ROBO2: variants seen among roughly 807,000 people sequenced by gnomAD.
ROBO2 encodes the protein roundabout guidance receptor 2, also known as roundabout homolog 2.
Under a neutral mutation model 160.8 loss-of-function variants are expected in ROBO2, and 53 were observed. That is an observed-to-expected ratio of 0.33 (90% CI 0.26 to 0.41). ROBO2 has a LOEUF of 0.41. ROBO2 is among the 10% of genes least tolerant of loss of function. The pLI is 1.00. For synonymous variants in ROBO2, 664 were observed against 611.7 expected (o/e 1.09, Z -1.26); for missense variants, 1,577 against 1,722.4 (o/e 0.92, Z 1.49).
intron 2 of ROBO2, among the ~76,000 whole-genome samples, chr3:76,639,462 T>TCA (rs1232140076): frequency 3.3e-5 from 4 of 120,018 alleles, no homozygotes; most frequent in African/African-American, 1.5e-4. Flanking sequence ...ACCTACACTC[T>TCA]CTCACACACA....
In ROBO2 at chr3:76,296,209, C is replaced by T. The variant is rs140273366; in HGVS notation, c.109+358607C>T. ...GCCACAAGCCAAGGAAGCCAAGCAA[C>T]GCCAACAACCACTGGAAGTAGAAAG... On this transcript the variant is annotated intron_variant, in intron 2 of 26. Coordinates refer to the ROBO2 transcript ENST00000487694. Among the ~76,000 whole-genome samples the T allele has an allele frequency of 5.5e-3, 844 of 152,146 alleles. 11 individuals are homozygous for T. The highest frequency in any genetic ancestry group is 0.02 in the African/African-American group (811 of 41,554).
chr3:76,689,581 C>T (rs1016740796), intron 2 of ROBO2, among the ~76,000 whole-genome samples: 19 of 152,092 alleles, frequency 1.2e-4, no homozygotes, highest in Admixed American at 3.9e-4. Flanking sequence ...TTTTCCACCT[C>T]TCCCATCCCC....
intron 2 of ROBO2, among the ~76,000 whole-genome samples, chr3:77,032,622 GA>G (rs1403237685): frequency 1.3e-5 from 2 of 152,070 alleles, no homozygotes; most frequent in African/African-American, 4.8e-5. Context: ...CTAAAACAAA[GA>G]ATACCAAACT....
chr3:77,180,404 C>A (rs1218803392), intron 2 of ROBO2, among the ~76,000 whole-genome samples: 27 of 105,388 alleles, frequency 2.6e-4, no homozygotes, highest in Non-Finnish European at 4.7e-4. Flanking sequence ...CTCTCTCTCT[C>A]TCTCTCTCTC....
chr3:75,955,349 CT>C (rs1481303600), intron 2 of ROBO2, among the ~76,000 whole-genome samples: 1 of 151,674 alleles, frequency 6.6e-6, no homozygotes, highest in Non-Finnish European at 1.5e-5. Flanking sequence ...ATATAAATTT[CT>C]TTGCAAGAAA....
At chr3:76,875,400 C>A (rs115355628) in intron 2 of ROBO2, among the ~76,000 whole-genome samples, 16,731 of 152,204 alleles carry the variant, frequency 0.11, 1,278 homozygotes, top group Admixed American at 0.22. Flanking sequence ...CCTATGGCTG[C>A]TATAACAAAT....
intron 2 of ROBO2, among the ~76,000 whole-genome samples, chr3:76,700,901 T>G (rs1170067013): frequency 6.6e-6 from 1 of 152,166 alleles, no homozygotes; most frequent in Non-Finnish European, 1.5e-5. Flanking sequence ...TGTATACTCA[T>G]TAAATACCAC....
exon 11 of ROBO2, chr3:77,563,190 A>C: frequency 6.2e-7 from 1 of 1,613,370 alleles, no homozygotes; most frequent in Non-Finnish European, 8.5e-7. Context: ...AATCAGTAAA[A>C]ACTATGATTT....
chr3:77,535,824 C>A (rs2153638328), intron 6 of ROBO2, among the ~76,000 whole-genome samples: 1 of 152,198 alleles, frequency 6.6e-6, no homozygotes. Flanking sequence ...TTTAAAAGTT[C>A]TGTGAAACTT....
At chr3:76,693,195 A>C (rs1361471955) in intron 2 of ROBO2, among the ~76,000 whole-genome samples, 3 of 149,566 alleles carry the variant, frequency 2.0e-5, no homozygotes, top group African/African-American at 7.3e-5. Flanking sequence ...TATAGTGTAT[A>C]TATATAGTGT....
chr3:77,430,081 G>C (rs1053125372), intron 2 of ROBO2, among the ~76,000 whole-genome samples: 1 of 152,118 alleles, frequency 6.6e-6, no homozygotes, highest in Non-Finnish European at 1.5e-5. Flanking sequence ...CCCAAGCCTG[G>C]AGTGATTACC....
chr3:76,481,016 A>AT, intron 2 of ROBO2, among the ~76,000 whole-genome samples: 1 of 152,310 alleles, frequency 6.6e-6, no homozygotes, highest in East Asian at 1.9e-4. Flanking sequence ...CAGCCAATTC[A>AT]TTTTGTTCAG....
intron 2 of ROBO2, among the ~76,000 whole-genome samples, chr3:76,481,996 G>A (rs2079234242): frequency 6.6e-6 from 1 of 152,066 alleles, no homozygotes; most frequent in African/African-American, 2.4e-5. Context: ...ACAGCATCAG[G>A]TCCTTGCATT....
intron 2 of ROBO2, among the ~76,000 whole-genome samples, chr3:76,776,800 A>G (rs969001730): frequency 1.3e-5 from 2 of 150,986 alleles, no homozygotes; most frequent in African/African-American, 4.8e-5. Flanking sequence ...AACATTTCCA[A>G]TCACCCTAGT....
intron 2 of ROBO2, among the ~76,000 whole-genome samples, chr3:77,006,910 C>T (rs577442892): frequency 2.4e-4 from 36 of 152,172 alleles, no homozygotes; most frequent in African/African-American, 8.4e-4. Context: ...ATATACCTCT[C>T]TTAGGATGAA....
In ROBO2 at chr3:76,536,471, G is replaced by A. The variant is rs572676768; in HGVS notation, c.110-561543G>A. ...AGCCACCAAGTGGGCCATGAACTGG[G>A]CTGGGTTTTCGTCTTTACCTTGGGT... On this transcript the variant is annotated intron_variant, in intron 2 of 26. Coordinates refer to the ROBO2 transcript ENST00000487694. Among the ~76,000 whole-genome samples the A allele has an allele frequency of 1.1e-4, 17 of 152,264 alleles. No homozygotes were observed. The East Asian group carries it at 2.3e-3, about 21-fold the overall frequency.
chr3:77,591,682 G>T (rs1200532149), intron 17 of ROBO2, among the ~76,000 whole-genome samples: 1 of 152,150 alleles, frequency 6.6e-6, no homozygotes. Context: ...GATGCTAACA[G>T]AGACTTTTGA....
intron 2 of ROBO2, among the ~76,000 whole-genome samples, chr3:77,006,536 A>C (rs2061590460): frequency 6.6e-6 from 1 of 152,086 alleles, no homozygotes; most frequent in African/African-American, 2.4e-5. Flanking sequence ...TGAATGGGAA[A>C]AAAAGAAACA....
chr3:76,750,307 A>G (rs910623427), intron 2 of ROBO2, among the ~76,000 whole-genome samples: 1 of 152,112 alleles, frequency 6.6e-6, no homozygotes, highest in Non-Finnish European at 1.5e-5. Flanking sequence ...CAAAATAATG[A>G]GAGCTATTTA....
Sources: gnomAD v4.1 joint callset for allele counts (sites outside exome capture counted in the v4.1 genomes callset) on GRCh38, gnomAD v4.1.1 for gene constraint, MANE v1.5 for transcripts, NCBI Gene and HGNC (gene_info 2026-07-23, HGNC 2026-07-21) for gene names.